The following RINL variants were observed in gnomAD, a reference collection of about 807,000 sequenced individuals.
The protein encoded by RINL is ras and Rab interactor-like protein.
In RINL, 39 loss-of-function variants were observed where a neutral mutation model predicts 58.1. The observed-to-expected ratio is 0.67, with a 90% CI of 0.52 to 0.88. The LOEUF (loss-of-function observed/expected upper bound fraction) is 0.88. RINL is among the 40% of genes least tolerant of loss of function. The pLI, the probability that RINL is intolerant of heterozygous loss-of-function variation, is 0.00. For missense variants in RINL, 711 were observed against 749.2 expected, an observed-to-expected ratio of 0.95 and a Z score of 0.60; for synonymous variants, 286 against 323.1, an observed-to-expected ratio of 0.89 and a Z score of 1.23.
intron 3 of RINL, among the ~76,000 whole-genome samples, chr19:38,874,365 C>T (rs753502903): frequency 3.3e-5 from 5 of 152,040 alleles, no homozygotes; most frequent in African/African-American, 4.8e-5. Context: ...CTCCGCCTCC[C>T]GGGGTCAAGC....
rs1972720983 is a variant in RINL, at chr19:38,868,490, C to T, written c.*614G>A. ...TTTATAAAAAATTTTAAAAATTAGA[C>T]AGGCACGGTGGTAGGTGCCTGTAGT... On this transcript the variant is annotated 3_prime_UTR_variant, in exon 12 of 12. Coordinates refer to ENST00000591812, the MANE Select transcript of RINL (RefSeq NM_001195833.2). The T allele has an allele frequency of 6.6e-6, 1 of 151,702 alleles. No individual in the cohort carries two copies. Among genetic ancestry groups the T allele is most frequent in the Non-Finnish European group, 1.5e-5 (1 of 67,988 alleles). The allele number at this position is 151,702 out of a possible 1,614,324, so 9.4% of individuals were successfully genotyped here. A position where few individuals can be genotyped will look rare whatever the true frequency, so the allele number is the denominator to read the frequency against.
intron 6 of RINL, 124 bp from the exon 7 acceptor site, chr19:38,871,351 C>T: frequency 9.1e-7 from 1 of 1,094,398 alleles, no homozygotes; most frequent in Non-Finnish European, 1.3e-6. Flanking sequence ...AGCTCCTGGC[C>T]CCTCCTCAGT....
In RINL at chr19:38,870,173, G is replaced by GGTGCT. The variant is rs1342556328; in HGVS notation, c.1107_1111dup (p.Pro371GlnfsTer91). The stretch of plus-strand genomic sequence containing the variant: ...TCGCCGCCGCAGCCGCCGCAGCTCC[G>GGTGCT]GTGCTCGGAGTGTGCGGAGTCGTGT... On this transcript the variant is annotated frameshift_variant, in exon 9 of 12. Transcript: ENST00000591812. LOFTEE classifies it high-confidence loss of function. The surrounding 1 kb of genome is among the most constrained non-coding windows in gnomAD (Gnocchi z 5.8). 1.4e-6 allele frequency: 2 copies of GGTGCT among 1,405,640 alleles called. No homozygotes were observed. Among genetic ancestry groups the GGTGCT allele is most frequent in the Non-Finnish European group, 1.8e-6 (2 of 1,090,690 alleles). The allele number at this position is 1,405,640 out of a possible 1,614,324, so 87.1% of individuals were successfully genotyped here.
Position 38,870,530 on chromosome 19 carries a change from A to G in RINL, c.1024+40T>C, listed in dbSNP as rs780021338. 7 of 1,515,968 alleles carry G rather than the reference A, an allele frequency of 4.6e-6. No individual in the cohort carries two copies. Among genetic ancestry groups the G allele is most frequent in the Middle Eastern group, 3.6e-4 (2 of 5,612 alleles). 93.9% of individuals were successfully genotyped at this position (1,515,968 alleles called of 1,614,324 possible). A position where few individuals can be genotyped will look rare whatever the true frequency, so the allele number is the denominator to read the frequency against. ...ACCGATGGAGAGGACGAAGTTGCAC[A>G]CTTGAACCCGTGGGGGCTCCCTTCC... On this transcript the variant is annotated intron_variant, in intron 8 of 11. Transcript: ENST00000591812. The surrounding 1 kb of genome is among the most constrained non-coding windows in gnomAD (Gnocchi z 5.8).
chr19:38,873,666 C>T (rs989872024), intron 4 of RINL: 2 of 409,422 alleles, frequency 4.9e-6, no homozygotes, highest in South Asian at 2.7e-5. Flanking sequence ...GCTGGGATTA[C>T]AGTCGCGCGT....
Position 38,869,136 on chromosome 19 carries a change from C to T in RINL, c.1669G>A (p.Glu557Lys). ...ANLPFKEPWAEETVTGTSDN is the reference protein window; with the variant it reads ...ANLPFKEPWAKETVTGTSDN ...TCACTGGTCCCTGTCACAGTCTCTT[C>T]TGCCCATGGCTCCTTAAAGGGCAGG... is the stretch of plus-strand genomic sequence containing the variant. The change falls in exon 12 of 12, where the codon GAA (glutamate) becomes AAA (lysine). Residue 557 changes from glutamate to lysine, a missense_variant. Glu to Lys is a moderately conservative substitution (Grantham distance 56). Transcript: ENST00000591812. This position sits in a 1 kb window ranked among gnomAD's most constrained non-coding sequence, Gnocchi z 5.7. 1 of 1,612,634 alleles carries T rather than the reference C, an allele frequency of 6.2e-7. No homozygotes were observed. Among genetic ancestry groups the T allele is most frequent in the East Asian group, 2.2e-5 (1 of 44,830 alleles).
rs1032467507 is a variant in RINL at position 38,868,371 on chromosome 19, G to A, written c.*733C>T. 2.0e-5 allele frequency: 3 copies of A among 152,032 alleles called. No homozygotes were observed. The highest frequency in any genetic ancestry group is 4.4e-5 in the Non-Finnish European group (3 of 68,022). The allele number at this position is 152,032 out of a possible 1,614,324, so 9.4% of individuals were successfully genotyped here. On this transcript the variant is annotated 3_prime_UTR_variant, in exon 12 of 12. Coordinates refer to ENST00000591812, the MANE Select transcript of RINL (RefSeq NM_001195833.2). ...ATCACAATTGGGCACGGTGGCTCAC[G>A]CCTATAATCTCAGCACTTTGGGAGG...
In RINL at chr19:38,868,368, C is replaced by T. The variant is rs1972718341; in HGVS notation, c.*736G>A. ...ACGATCACAATTGGGCACGGTGGCT[C>T]ACGCCTATAATCTCAGCACTTTGGG... On this transcript the variant is annotated 3_prime_UTR_variant, in exon 12 of 12. Transcript: ENST00000591812. The T allele has an allele frequency of 6.6e-6, 1 of 152,084 alleles. No individual in the cohort carries two copies. The highest frequency in any genetic ancestry group is 1.5e-5 in the Non-Finnish European group (1 of 68,026). The allele number at this position is 152,084 out of a possible 1,614,324, so 9.4% of individuals were successfully genotyped here.
At chr19:38,872,068 A>T (rs1568387496) in intron 4 of RINL, among the ~76,000 whole-genome samples, 198 bp from the exon 5 acceptor site, 1 of 152,144 alleles carries the variant, frequency 6.6e-6, no homozygotes, top group Non-Finnish European at 1.5e-5. Context: ...CATTAGACAA[A>T]CATTTACTGA....
rs1972732562 is a variant in RINL, at chr19:38,868,988, TG to T, written c.*115del. On this transcript the variant is annotated 3_prime_UTR_variant, in exon 12 of 12. Coordinates refer to ENST00000591812, the MANE Select transcript of RINL (RefSeq NM_001195833.2). ...TTTGTTTTTTTTTTTTTTTGGTAGATGGGGGTCCCACTGTTTTGCCCAGGCT... is the reference window on the plus strand; with the variant it reads ...TTTGTTTTTTTTTTTTTTTGGTAGATGGGGTCCCACTGTTTTGCCCAGGCT... 1.2e-6 allele frequency: 1 copy of T among 830,762 alleles called. No homozygotes were observed. Among genetic ancestry groups the T allele is most frequent in the Non-Finnish European group, 1.8e-6 (1 of 561,088 alleles). 51.5% of individuals were successfully genotyped at this position (830,762 alleles called of 1,614,324 possible).
intron 6 of RINL, 36 bp downstream of exon 6, chr19:38,871,611 G>A (rs1309161044): frequency 2.5e-6 from 4 of 1,592,318 alleles, no homozygotes; most frequent in Admixed American, 1.7e-5. Flanking sequence ...GAAATTGGCA[G>A]GTTGGCTGTG....
In RINL at chr19:38,868,009, C is replaced by G. The variant is rs1972710966; in HGVS notation, c.*1095G>C. On this transcript the variant is annotated 3_prime_UTR_variant, in exon 12 of 12. Coordinates refer to ENST00000591812, the MANE Select transcript of RINL (RefSeq NM_001195833.2). ...TTGCCCAGGCTGGAGTGCAATGGCG[C>G]AATCTCCGCTCACCGCAATCTTCGC... 6.6e-6 allele frequency: 1 copy of G among 152,152 alleles called. No homozygotes were observed. The highest frequency in any genetic ancestry group is 6.5e-5 in the Admixed American group (1 of 15,284). The allele number at this position is 152,152 out of a possible 1,614,324, so 9.4% of individuals were successfully genotyped here.
chr19:38,870,291 G>A lies in RINL; in HGVS notation c.1025-31C>T, dbSNP rs1568385843. 2.2e-6 allele frequency: 3 copies of A among 1,377,746 alleles called. No homozygotes were observed. The highest frequency in any genetic ancestry group is 2.8e-6 in the Non-Finnish European group (3 of 1,066,938). The allele number at this position is 1,377,746 out of a possible 1,614,324, so 85.3% of individuals were successfully genotyped here. ...GGGTGTGGGGGACGGGTGAGCACAG[G>A]ACCGCCAAGTTGTCCCACGCCCACC... is the stretch of plus-strand genomic sequence containing the variant. On this transcript the variant is annotated intron_variant, in intron 8 of 11. Coordinates refer to ENST00000591812, the MANE Select transcript of RINL (RefSeq NM_001195833.2). The surrounding 1 kb of genome is among the most constrained non-coding windows in gnomAD (Gnocchi z 5.8).
In RINL at chr19:38,869,548, C is replaced by T; in HGVS notation, c.1474+25G>A. ...CCGGAGGTACTGGATCGCTGGGCTC[C>T]AGCATTCTGGAGTTGGGGGCTCACC... is the stretch of plus-strand genomic sequence containing the variant. On this transcript the variant is annotated intron_variant, in intron 10 of 11. Transcript: ENST00000591812. The surrounding 1 kb of genome is among the most constrained non-coding windows in gnomAD (Gnocchi z 5.7). The T allele has an allele frequency of 6.2e-7, 1 of 1,611,936 alleles. No individual in the cohort carries two copies. The highest frequency in any genetic ancestry group is 2.2e-5 in the East Asian group (1 of 44,830).
At position 38,878,213 on chromosome 19, in the gene RINL, C is replaced by T. The variant is rs1451170034; in HGVS notation, c.-40+19G>A. The T allele has an allele frequency of 4.6e-5, 7 of 151,034 alleles. No individual in the cohort carries two copies. Among genetic ancestry groups the T allele is most frequent in the East Asian group, 1.9e-4 (1 of 5,140 alleles). The allele number at this position is 151,034 out of a possible 1,614,324, so 9.4% of individuals were successfully genotyped here. A position where few individuals can be genotyped will look rare whatever the true frequency, so the allele number is the denominator to read the frequency against. On this transcript the variant is annotated intron_variant, in intron 1 of 11. Transcript: ENST00000591812. ...GCAGGGGCTGAAGATGCCAGATGCT[C>T]GGTTCCTGGGGGCCCTACCTGTTCT... is the stretch of plus-strand genomic sequence containing the variant.
At chr19:38,874,061 C>T (rs1972868933) in intron 3 of RINL, 73 bp from the exon 4 acceptor site, 2 of 916,318 alleles carry the variant, frequency 2.2e-6, no homozygotes, top group Non-Finnish European at 3.4e-6. Context: ...TGACTAGCAT[C>T]CATTTCCCTT....
chr19:38,872,464 C>T lies in RINL; in HGVS notation c.314-594G>A, dbSNP rs116268695. ...TTAAGCCATTGCACTCCAGCCTGGG[C>T]GACAAAAGTGAGACTATCTCAATAA... is the stretch of plus-strand genomic sequence containing the variant. On this transcript the variant is annotated intron_variant, in intron 4 of 11. Transcript: ENST00000591812. Among the ~76,000 whole-genome samples, 1,376 of 150,672 alleles carry T rather than the reference C, an allele frequency of 9.1e-3. 18 individuals carry two copies. Among genetic ancestry groups the T allele is most frequent in the African/African-American group, 0.032 (1,315 of 40,960 alleles).
At chr19:38,875,906 G>T (rs1445415346) in intron 3 of RINL, among the ~76,000 whole-genome samples, 3 of 152,102 alleles carry the variant, frequency 2.0e-5, no homozygotes, top group African/African-American at 4.8e-5. Flanking sequence ...GAAGATAAAT[G>T]CCTATTTGTT....
rs1350537227 is a variant in RINL, at chr19:38,870,615, A to G, written c.979T>C (p.Phe327Leu). 6.2e-7 allele frequency: 1 copy of G among 1,607,298 alleles called. No homozygotes were observed. Among genetic ancestry groups the G allele is most frequent in the African/African-American group, 1.3e-5 (1 of 74,606 alleles). The change falls in exon 8 of 12, where the codon TTT becomes CTT. Residue 327 changes from phenylalanine to leucine, a missense_variant. By Grantham distance (22) the Phe-to-Leu change is conservative. Coordinates refer to ENST00000591812, the MANE Select transcript of RINL (RefSeq NM_001195833.2). The surrounding 1 kb of genome is among the most constrained non-coding windows in gnomAD (Gnocchi z 5.8). ...LAKDSYIRAVFGSRGPGLPKK... is the reference protein window; with the variant it reads ...LAKDSYIRAVLGSRGPGLPKK... ...GGGAGCCCAGGACCCCTGCTTCCAA[A>G]GACAGCCCTGATGTAGGAGTCCTTT...
Sources: gnomAD v4.1 joint callset for allele counts (sites outside exome capture counted in the v4.1 genomes callset) on GRCh38, gnomAD v4.1.1 for gene constraint, Gnocchi (gnomAD v3.1) non-coding constraint, MANE v1.5 for transcripts, NCBI Gene and HGNC (gene_info 2026-07-23, HGNC 2026-07-21) for gene names.